The following FAH variants were observed in gnomAD, a reference collection of about 807,000 sequenced individuals.
The protein encoded by FAH is fumarylacetoacetate hydrolase, also known as fumarylacetoacetase.
FAH carries 47 observed loss-of-function variants against 55.8 expected under a neutral mutation model. That is an observed-to-expected ratio of 0.84 (90% CI 0.67 to 1.07). FAH has a LOEUF of 1.07. Ranked by LOEUF, FAH falls within the 50% of genes least tolerant of loss-of-function variation. The pLI, the probability that FAH is intolerant of heterozygous loss-of-function variation, is 0.00. For missense variants in FAH, 495 were observed against 545.9 expected, an observed-to-expected ratio of 0.91 and a Z score of 0.93; for synonymous variants, 199 against 207.7, an observed-to-expected ratio of 0.96 and a Z score of 0.36.
At chr15:80,175,807 C>T (rs941148244) in intron 10 of FAH, among the ~76,000 whole-genome samples, 1 of 152,206 alleles carries the variant, frequency 6.6e-6, no homozygotes, top group African/African-American at 2.4e-5. Context: ...GCGGCGTTGA[C>T]CTCATGGTGT....
At chr15:80,184,340 G>T (rs866131201) in intron 13 of FAH, among the ~76,000 whole-genome samples, 8 of 152,186 alleles carry the variant, frequency 5.3e-5, no homozygotes, top group Middle Eastern at 3.4e-3. Flanking sequence ...TCTTTCACCT[G>T]GTGTTCCTGT....
intron 13 of FAH, among the ~76,000 whole-genome samples, chr15:80,182,398 T>C (rs1270331419): frequency 2.0e-5 from 3 of 152,222 alleles, no homozygotes; most frequent in African/African-American, 7.2e-5. Context: ...AGCCACATAG[T>C]GCATGCCCAG....
chr15:80,160,450 G>A lies in FAH; in HGVS notation c.355G>A (p.Ala119Thr). ...GGCTTCTGCCACGATGCACCTTCCAGCCACCATAGGTGAGTGCAGTCTCTT... is the reference window on the plus strand; with the variant it reads ...GGCTTCTGCCACGATGCACCTTCCAACCACCATAGGTGAGTGCAGTCTCTT... ...SQASATMHLPATIGDYTDFYS... is the reference protein window; with the variant it reads ...SQASATMHLPTTIGDYTDFYS... Residue 119 changes from alanine to threonine, a missense_variant, in exon 4 of 14, where the codon GCC (alanine) becomes ACC (threonine). Physicochemically the swap from Ala to Thr is moderately conservative, Grantham distance 58 (BLOSUM62 0). Coordinates refer to ENST00000561421, the MANE Select transcript of FAH (RefSeq NM_000137.4). 1.2e-6 allele frequency: 2 copies of A among 1,614,200 alleles called. No homozygotes were observed. The highest frequency in any genetic ancestry group is 8.5e-7 in the Non-Finnish European group (1 of 1,180,022).
intron 1 of FAH, chr15:80,157,846 G>A (rs911459647): frequency 3.3e-6 from 2 of 601,004 alleles, no homozygotes; most frequent in African/African-American, 3.7e-5. Flanking sequence ...TCCCATTCAG[G>A]GAACACAGAT....
chr15:80,159,532 C>T (rs955000159), intron 2 of FAH, among the ~76,000 whole-genome samples: 3 of 152,152 alleles, frequency 2.0e-5, no homozygotes, highest in African/African-American at 4.8e-5. Context: ...TGGGCTTGGA[C>T]AATTGTGTGC....
At chr15:80,168,346 G>T in intron 7 of FAH, 30 bp downstream of exon 7, 3 of 1,610,230 alleles carry the variant, frequency 1.9e-6, no homozygotes, top group Non-Finnish European at 2.5e-6. Flanking sequence ...TATTGCCATG[G>T]GATCTATAGA....
chr15:80,176,902 T>C (rs1184611761), intron 10 of FAH, among the ~76,000 whole-genome samples: 1 of 152,170 alleles, frequency 6.6e-6, no homozygotes. Context: ...GACCCAGACC[T>C]CGCATGGCTG....
At chr15:80,158,002 A>G in intron 1 of FAH, 58 bp from the exon 2 acceptor site, 1 of 1,324,132 alleles carries the variant, frequency 7.6e-7, no homozygotes. Context: ...TTCTGAGTAA[A>G]TGAGCCAAGC....
rs1429722448 is a variant in FAH, at chr15:80,169,635, AC to A, written c.606+1321del. ...TGCAAGCTCCGCCTCCTGGGTTCAC[AC>A]CATTCTCCTGCCTCAGCCTCCCGAA... On this transcript the variant is annotated intron_variant, in intron 7 of 13. Transcript: ENST00000561421. Among the ~76,000 whole-genome samples the A allele has an allele frequency of 3.3e-5, 5 of 151,702 alleles. No homozygotes were observed. In the East Asian group the frequency reaches 9.9e-4, roughly 30 times the overall value.
intron 8 of FAH, among the ~76,000 whole-genome samples, chr15:80,172,558 G>T (rs899014388): frequency 2.0e-5 from 3 of 152,188 alleles, no homozygotes; most frequent in Non-Finnish European, 4.4e-5. Flanking sequence ...TCCCTACACG[G>T]TATGTGCAAT....
intron 5 of FAH, 121 bp downstream of exon 5, chr15:80,162,457 G>A (rs2041157549): frequency 4.6e-6 from 4 of 864,558 alleles, no homozygotes; most frequent in South Asian, 1.4e-5. Context: ...AAGCAGTTAT[G>A]ATGTTGCAAC....
chr15:80,181,637 C>T (rs1247262936), intron 13 of FAH, among the ~76,000 whole-genome samples: 1 of 152,196 alleles, frequency 6.6e-6, no homozygotes, highest in Non-Finnish European at 1.5e-5. Context: ...GTTAGCAGCA[C>T]ACTCTTTAGA....
chr15:80,166,383 C>G (rs1486531035), intron 5 of FAH: 3 of 152,216 alleles, frequency 2.0e-5, no homozygotes, highest in African/African-American at 4.8e-5. Context: ...CTTGGCCTGC[C>G]TTAGCCCCAC....
At chr15:80,162,821 C>T in intron 5 of FAH, 1 of 225,708 alleles carries the variant, frequency 4.4e-6, no homozygotes, top group South Asian at 6.3e-5. Flanking sequence ...ATTTTACAGA[C>T]AGGAAAATGG....
intron 10 of FAH, among the ~76,000 whole-genome samples, chr15:80,176,230 G>A (rs1475642061): frequency 6.6e-6 from 1 of 152,052 alleles, no homozygotes; most frequent in Non-Finnish European, 1.5e-5. Context: ...TGGTCAGGAT[G>A]GTCTTGAACT....
intron 3 of FAH, 162 bp from the exon 4 acceptor site, chr15:80,160,247 TC>T (rs1328103158): frequency 2.7e-6 from 2 of 742,944 alleles, no homozygotes; most frequent in Non-Finnish European, 4.8e-6. Flanking sequence ...TGGGTGGATG[TC>T]CTCTCAGCTG....
chr15:80,179,651 C>T (rs992471077), intron 11 of FAH, among the ~76,000 whole-genome samples: 2 of 152,156 alleles, frequency 1.3e-5, no homozygotes, highest in Non-Finnish European at 2.9e-5. Context: ...CTCCATTGCC[C>T]AGTGTCCATC....
At position 80,159,793 on chromosome 15, in the gene FAH, C is replaced by T; in HGVS notation, c.230C>T (p.Ala77Val). Reference sequence around the variant, plus strand: ...AGCTTCATGGGCCTGGGTCAGGCTGCCTGGAAGGAGGCGAGAGTGTTCTTG... The same window carrying T: ...AGCTTCATGGGCCTGGGTCAGGCTGTCTGGAAGGAGGCGAGAGTGTTCTTG... ...LNSFMGLGQAAWKEARVFLQN... is the reference protein window; with the variant it reads ...LNSFMGLGQAVWKEARVFLQN... The change falls in exon 3 of 14, where the codon GCC becomes GTC. Residue 77 changes from alanine to valine, a missense_variant. Physicochemically the swap from Ala to Val is moderately conservative, Grantham distance 64 (BLOSUM62 0). Coordinates refer to ENST00000561421, the MANE Select transcript of FAH (RefSeq NM_000137.4). The T allele has an allele frequency of 6.2e-7, 1 of 1,614,188 alleles. No homozygotes were observed. The highest frequency in any genetic ancestry group is 8.5e-7 in the Non-Finnish European group (1 of 1,180,042).
chr15:80,167,930 C>CTG, intron 5 of FAH, 122 bp from the exon 6 acceptor site: 1 of 757,014 alleles, frequency 1.3e-6, no homozygotes, highest in South Asian at 1.5e-5. Context: ...TTGTAAGCAC[C>CTG]TGTTGATTTT....
Sources: gnomAD v4.1 joint callset for allele counts (sites outside exome capture counted in the v4.1 genomes callset) on GRCh38, gnomAD v4.1.1 for gene constraint, MANE v1.5 for transcripts, NCBI Gene and HGNC (gene_info 2026-07-23, HGNC 2026-07-21) for gene names.